HTR1F: variants seen among roughly 807,000 people sequenced by gnomAD.
The protein encoded by HTR1F is 5-hydroxytryptamine (serotonin) receptor 1F, G protein-coupled.
HTR1F carries 17 observed loss-of-function variants against 24.0 expected under a neutral mutation model. The ratio of observed to expected loss-of-function variants is 0.71; its 90% CI spans 0.48 to 1.06. The LOEUF is 1.06. HTR1F is among the 50% of genes least tolerant of loss of function. The pLI is 0.00. For missense variants in HTR1F, 391 were observed against 427.8 expected, an observed-to-expected ratio of 0.91 and a Z score of 0.76; for synonymous variants, 186 against 156.8, an observed-to-expected ratio of 1.19 and a Z score of -1.39.
At chr3:87,983,858 C>CT (rs1288791693) in intron 2 of HTR1F, among the ~76,000 whole-genome samples, 1 of 152,190 alleles carries the variant, frequency 6.6e-6, no homozygotes, top group Non-Finnish European at 1.5e-5. Flanking sequence ...ATTCTTTAAT[C>CT]TTTTTGCTTA....
intron 2 of HTR1F, 25 bp from the exon 3 acceptor site, chr3:87,990,683 T>G (rs1705800685): frequency 5.7e-6 from 7 of 1,218,910 alleles, no homozygotes; most frequent in Non-Finnish European, 8.2e-6. Flanking sequence ...TTCTCTGAAC[T>G]GTTTTTTCTC....
intron 2 of HTR1F, among the ~76,000 whole-genome samples, chr3:87,910,635 A>G (rs1703758771): frequency 1.3e-5 from 2 of 152,096 alleles, no homozygotes; most frequent in South Asian, 2.1e-4. Context: ...ATAGACCTCT[A>G]CAGAACTCTG....
intron 1 of HTR1F, among the ~76,000 whole-genome samples, chr3:87,800,029 C>A (rs1455902128): frequency 2.0e-5 from 3 of 152,186 alleles, no homozygotes; most frequent in Admixed American, 2.0e-4. Context: ...CTATACTTTC[C>A]TGATCATTCA....
chr3:87,939,554 TG>T (rs1173316494), intron 2 of HTR1F, among the ~76,000 whole-genome samples: 1 of 152,196 alleles, frequency 6.6e-6, no homozygotes, highest in Non-Finnish European at 1.5e-5. Context: ...TTTCAGAACT[TG>T]ATACTGGTCT....
intron 2 of HTR1F, among the ~76,000 whole-genome samples, chr3:87,970,293 G>C (rs939217126): frequency 6.6e-6 from 1 of 152,180 alleles, no homozygotes; most frequent in Admixed American, 6.5e-5. Context: ...ATCCTCTGGT[G>C]GGGGCAGGGT....
chr3:87,971,579 T>C (rs749897360), intron 2 of HTR1F, among the ~76,000 whole-genome samples: 1 of 152,026 alleles, frequency 6.6e-6, no homozygotes, highest in Non-Finnish European at 1.5e-5. Flanking sequence ...TAAAATAAAA[T>C]ATTAAAAAGT....
intron 1 of HTR1F, among the ~76,000 whole-genome samples, chr3:87,793,855 T>C (rs1261924678): frequency 6.6e-6 from 1 of 151,966 alleles, no homozygotes; most frequent in Non-Finnish European, 1.5e-5. Context: ...TTAAGATGAT[T>C]TGTTAGGTGA....
At chr3:87,832,664 A>G (rs1322409784) in intron 2 of HTR1F, among the ~76,000 whole-genome samples, 1 of 152,196 alleles carries the variant, frequency 6.6e-6, no homozygotes. Flanking sequence ...TCATCAGAGT[A>G]ACTAGTTCAC....
At chr3:87,905,485 A>G (rs1703643196) in intron 2 of HTR1F, among the ~76,000 whole-genome samples, 1 of 152,096 alleles carries the variant, frequency 6.6e-6, no homozygotes, top group South Asian at 2.1e-4. Flanking sequence ...TCATGAGTAT[A>G]TAGGTTGGTT....
At chr3:87,873,133 C>CACAGAGAG (rs370152361) in intron 2 of HTR1F, among the ~76,000 whole-genome samples, 1,600 of 130,206 alleles carry the variant, frequency 0.012, 17 homozygotes, top group African/African-American at 0.027. Context: ...CACACACACA[C>CACAGAGAG]AGAGAGATTT....
chr3:87,798,592 CA>C lies in HTR1F; in HGVS notation c.-160+5762del, dbSNP rs113907496. 4.9e-3 allele frequency among the ~76,000 whole-genome samples: 710 copies of C among 145,190 alleles called. 8 individuals carry two copies. Among genetic ancestry groups the C allele is most frequent in the African/African-American group, 0.016 (626 of 39,800 alleles). ...TGATCTTTTCTCAGCTATCTTCCCT[CA>C]AAAAAAAAAAACCTAATTTTTATTT... On this transcript the variant is annotated intron_variant, in intron 1 of 2. Transcript: ENST00000319595.
chr3:87,861,486 A>G (rs1705317270), intron 2 of HTR1F, among the ~76,000 whole-genome samples: 1 of 152,184 alleles, frequency 6.6e-6, no homozygotes, highest in Non-Finnish European at 1.5e-5. Context: ...TTATGCTTTT[A>G]CAAGGACTGT....
At chr3:87,871,301 T>A (rs1212934194) in intron 2 of HTR1F, among the ~76,000 whole-genome samples, 1 of 151,454 alleles carries the variant, frequency 6.6e-6, no homozygotes, top group African/African-American at 2.4e-5. Context: ...ACAGCAGACA[T>A]GGTCAAGCAA....
intron 2 of HTR1F, among the ~76,000 whole-genome samples, chr3:87,900,253 G>A (rs1245647264): frequency 6.6e-6 from 1 of 152,176 alleles, no homozygotes; most frequent in Non-Finnish European, 1.5e-5. Context: ...ACAAAGACCT[G>A]AAGGGGGCAA....
intron 2 of HTR1F, among the ~76,000 whole-genome samples, chr3:87,878,072 G>C (rs1559615792): frequency 6.6e-6 from 1 of 152,196 alleles, no homozygotes; most frequent in South Asian, 2.1e-4. Flanking sequence ...ACGGGATCTT[G>C]AGAATGGATT....
Position 87,864,053 on chromosome 3 carries a change from T to A in HTR1F, c.-43+41929T>A, listed in dbSNP as rs553527408. Among the ~76,000 whole-genome samples the A allele has an allele frequency of 2.6e-5, 4 of 152,300 alleles. No individual in the cohort carries two copies. The South Asian group carries it at 6.2e-4, about 24-fold the overall frequency. ...CTAGTCTAGTCTTTCTCATACTGTA[T>A]CACTCTGATACTTCTGCCTCCATCC... On this transcript the variant is annotated intron_variant, in intron 2 of 2. Coordinates refer to ENST00000319595, the MANE Select transcript of HTR1F (RefSeq NM_001322209.2).
Position 87,851,364 on chromosome 3 carries a change from A to AT in HTR1F, c.-43+29247dup, listed in dbSNP as rs199943462. On this transcript the variant is annotated intron_variant, in intron 2 of 2. Transcript: ENST00000319595. ...ACTGAAATGGAAGCAAGTCATGTGT[A>AT]TTTTTTTAACTACTATTTTTTTAAA... Among the ~76,000 whole-genome samples the AT allele has an allele frequency of 2.0e-5, 3 of 151,484 alleles. No individual in the cohort carries two copies. In the East Asian group the frequency reaches 5.8e-4, roughly 29 times the overall value.
intron 2 of HTR1F, among the ~76,000 whole-genome samples, chr3:87,841,442 A>G (rs767431162): frequency 2.6e-5 from 4 of 152,050 alleles, no homozygotes; most frequent in Non-Finnish European, 5.9e-5. Flanking sequence ...TTTAACAGGA[A>G]CTAAAATATT....
At chr3:87,869,439 A>AGAT (rs758603431) in intron 2 of HTR1F, among the ~76,000 whole-genome samples, 14,812 of 112,508 alleles carry the variant, frequency 0.13, 1,012 homozygotes, top group African/African-American at 0.22. Context: ...ATAGATACAT[A>AGAT]GATAGATAGA....
Sources: allele counts gnomAD v4.1 joint callset (sites outside exome capture counted in the v4.1 genomes callset), GRCh38; gene constraint gnomAD v4.1.1; transcripts MANE v1.5; gene names NCBI Gene and HGNC (gene_info 2026-07-23, HGNC 2026-07-21).